Variants in TRIM4 observed in about 807,000 individuals in gnomAD.
TRIM4 encodes E3 ubiquitin-protein ligase TRIM4.
In TRIM4, 29 loss-of-function variants were observed where a neutral mutation model predicts 33.7. That is an observed-to-expected ratio of 0.86 (90% CI 0.64 to 1.17). TRIM4 has a LOEUF of 1.17. Ranked by LOEUF, TRIM4 falls within the 50% of genes most tolerant of loss-of-function variation. The probability of loss-of-function intolerance (pLI) is 0.00; values close to 1 mark genes in which losing one functional copy is unlikely to be tolerated. For missense variants in TRIM4, 554 were observed against 593.7 expected (o/e 0.93, Z 0.69); for synonymous variants, 224 against 233.0 (o/e 0.96, Z 0.35).
chr7:99,890,585 T>A lies in TRIM4; in HGVS notation c.*1578A>T, dbSNP rs1021480543. On this transcript the variant is annotated 3_prime_UTR_variant, in exon 6 of 6. Coordinates refer to ENST00000349062, the MANE Select transcript of TRIM4 (RefSeq NM_033091.3). Reference sequence around the variant, plus strand: ...GTCTTTGCAGCAACATGGATGGAGCTGGAGGCCATTACCCTAAGCAAACCA... The same window carrying A: ...GTCTTTGCAGCAACATGGATGGAGCAGGAGGCCATTACCCTAAGCAAACCA... The A allele has an allele frequency of 6.6e-6, 1 of 152,204 alleles. No homozygotes were observed. Among genetic ancestry groups the A allele is most frequent in the African/African-American group, 2.4e-5 (1 of 41,434 alleles). 9.4% of individuals were successfully genotyped at this position (152,204 alleles called of 1,614,324 possible). A position where few individuals can be genotyped will look rare whatever the true frequency, so the allele number is the denominator to read the frequency against.
In TRIM4 at chr7:99,891,865, A is replaced by G; in HGVS notation, c.*298T>C. The stretch of plus-strand genomic sequence containing the variant: ...ACCTTTCCACCATTCCTGTGTTCTC[A>G]GTTCCAATATGGCTGCTAACATCCA... On this transcript the variant is annotated 3_prime_UTR_variant, in exon 6 of 6. Transcript: ENST00000349062. 1 of 281,520 alleles carries G rather than the reference A, an allele frequency of 3.6e-6. No individual in the cohort carries two copies. The highest frequency in any genetic ancestry group is 6.7e-6 in the Non-Finnish European group (1 of 149,670). The allele number at this position is 281,520 out of a possible 1,614,324, so 17.4% of individuals were successfully genotyped here.
chr7:99,918,472 G>A (rs1219309369), intron 1 of TRIM4, among the ~76,000 whole-genome samples: 1 of 152,032 alleles, frequency 6.6e-6, no homozygotes, highest in African/African-American at 2.4e-5. Flanking sequence ...GGCTGAGGCA[G>A]GAGAACTGCT....
At chr7:99,902,013 TCTGGA>T in intron 5 of TRIM4, 1 of 697,244 alleles carries the variant, frequency 1.4e-6, no homozygotes, top group Non-Finnish European at 2.6e-6. Flanking sequence ...CCTTACATGG[TCTGGA>T]AACTCCCTCA....
In TRIM4 at chr7:99,909,470, C is replaced by CA. The variant is rs1374625729; in HGVS notation, c.489+94dup. 6 of 1,046,560 alleles carry CA rather than the reference C, an allele frequency of 5.7e-6. No individual in the cohort carries two copies. The East Asian group carries it at 1.2e-4, about 22-fold the overall frequency. 64.8% of individuals were successfully genotyped at this position (1,046,560 alleles called of 1,614,324 possible). A position where few individuals can be genotyped will look rare whatever the true frequency, so the allele number is the denominator to read the frequency against. ...GGCATCCAAGACTCTACGTGAACTG[C>CA]AAAACCCCATGACCAAAAGGACCTC... On this transcript the variant is annotated intron_variant, in intron 2 of 5. Coordinates refer to ENST00000349062, the MANE Select transcript of TRIM4 (RefSeq NM_033091.3).
chr7:99,904,077 T>C (rs1584266459), intron 3 of TRIM4, among the ~76,000 whole-genome samples: 1 of 152,188 alleles, frequency 6.6e-6, no homozygotes, highest in African/African-American at 2.4e-5. Flanking sequence ...CCCTAAGTTA[T>C]AACACAAAAG....
rs759980325 is a variant in TRIM4, at chr7:99,902,120, A to G, written c.841+1098T>C. The G allele has an allele frequency of 2.4e-5, 18 of 765,146 alleles. No individual in the cohort carries two copies. In the East Asian group the frequency reaches 4.4e-4, roughly 19 times the overall value. 47.4% of individuals were successfully genotyped at this position (765,146 alleles called of 1,614,324 possible). On this transcript the variant is annotated intron_variant, in intron 5 of 5. Transcript: ENST00000349062. ...CACTGCCTGACGTCTGGTGCTTTGA[A>G]AACGGTTGTTTCACATATTGTGCCT... is the stretch of plus-strand genomic sequence containing the variant.
At chr7:99,903,000 T>C (rs927593201) in intron 5 of TRIM4, among the ~76,000 whole-genome samples, 1 of 152,122 alleles carries the variant, frequency 6.6e-6, no homozygotes, top group Admixed American at 6.5e-5. Flanking sequence ...TACGAACTCA[T>C]GAAGAAGTGA....
chr7:99,916,921 A>G, intron 1 of TRIM4: 1 of 651,328 alleles, frequency 1.5e-6, no homozygotes. Flanking sequence ...CTTCAAGCTC[A>G]TGGCCCACCA....
intron 1 of TRIM4, among the ~76,000 whole-genome samples, chr7:99,915,579 G>C (rs1044058962): frequency 2.6e-5 from 4 of 152,144 alleles, no homozygotes; most frequent in African/African-American, 9.7e-5. Context: ...GCTGAGAATG[G>C]GATGCTTGGA....
chr7:99,912,951 T>G (rs1362467947), intron 1 of TRIM4, among the ~76,000 whole-genome samples: 1 of 152,216 alleles, frequency 6.6e-6, no homozygotes, highest in African/African-American at 2.4e-5. Context: ...CCTGCTACTC[T>G]CTCATGTAAT....
rs1004497675 is a variant in TRIM4, at chr7:99,919,521, G to C, written c.-120C>G. The C allele has an allele frequency of 1.9e-5, 22 of 1,163,224 alleles. No homozygotes were observed. The highest frequency in any genetic ancestry group is 2.4e-5 in the Non-Finnish European group (21 of 863,906). 72.1% of individuals were successfully genotyped at this position (1,163,224 alleles called of 1,614,324 possible). ...CCGCCGTCACCGCCTCACGTAAAAG[G>C]GTACAACGCAGTTTCTCTTCCGGGG... On this transcript the variant is annotated 5_prime_UTR_variant, in exon 1 of 6. Coordinates refer to ENST00000349062, the MANE Select transcript of TRIM4 (RefSeq NM_033091.3).
At position 99,890,658 on chromosome 7, in the gene TRIM4, G is replaced by C. The variant is rs539166716; in HGVS notation, c.*1505C>G. ...ATCACATGTTCTCACGTATAAGGGA[G>C]AGCTAAACATTGAGTACCCATGGAC... On this transcript the variant is annotated 3_prime_UTR_variant, in exon 6 of 6. Coordinates refer to ENST00000349062, the MANE Select transcript of TRIM4 (RefSeq NM_033091.3). The C allele has an allele frequency of 1.3e-5, 2 of 152,292 alleles. No homozygotes were observed. Among genetic ancestry groups the C allele is most frequent in the East Asian group, 3.9e-4 (2 of 5,180 alleles). The allele number at this position is 152,292 out of a possible 1,614,324, so 9.4% of individuals were successfully genotyped here.
At chr7:99,894,662 A>AT (rs1005595139) in intron 5 of TRIM4, among the ~76,000 whole-genome samples, 1 of 143,650 alleles carries the variant, frequency 7.0e-6, no homozygotes, top group Admixed American at 7.0e-5. Context: ...CCAAGACTCC[A>AT]TCCCCCCCCC....
chr7:99,913,226 G>A (rs1819482930), intron 1 of TRIM4, among the ~76,000 whole-genome samples: 1 of 152,198 alleles, frequency 6.6e-6, no homozygotes, highest in Admixed American at 6.5e-5. Flanking sequence ...TCTGGCCACA[G>A]TTGGAATCTA....
At chr7:99,901,017 A>G (rs1444103701) in intron 5 of TRIM4, 1 of 152,002 alleles carries the variant, frequency 6.6e-6, no homozygotes, top group Non-Finnish European at 1.5e-5. Flanking sequence ...GTCTTCAAGT[A>G]TTTTTCCTAT....
chr7:99,901,114 T>A (rs565369885), intron 5 of TRIM4: 1 of 152,360 alleles, frequency 6.6e-6, no homozygotes, highest in Admixed American at 6.5e-5. Context: ...AGGTCACTGA[T>A]GCTCTTTGTG....
intron 5 of TRIM4, chr7:99,901,449 T>C (rs1584264400): frequency 6.6e-6 from 1 of 152,356 alleles, no homozygotes; most frequent in Admixed American, 6.5e-5. Context: ...CATATTTGAC[T>C]GGATGCCAGA....
intron 1 of TRIM4, among the ~76,000 whole-genome samples, chr7:99,912,259 G>A (rs974689400): frequency 2.6e-5 from 4 of 152,130 alleles, no homozygotes; most frequent in African/African-American, 7.2e-5. Context: ...GGCCAGGCAC[G>A]GTGGCTCACG....
At chr7:99,894,257 A>C (rs1818961027) in intron 5 of TRIM4, among the ~76,000 whole-genome samples, 1 of 152,196 alleles carries the variant, frequency 6.6e-6, no homozygotes, top group Non-Finnish European at 1.5e-5. Flanking sequence ...GCATCATGGT[A>C]ATACAGGCCT....
Sources: gnomAD v4.1 joint callset for allele counts (sites outside exome capture counted in the v4.1 genomes callset) on GRCh38, gnomAD v4.1.1 for gene constraint, MANE v1.5 for transcripts, NCBI Gene and HGNC (gene_info 2026-07-23, HGNC 2026-07-21) for gene names.